Variants in CCNJL observed in about 807,000 individuals in gnomAD.
CCNJL encodes cyclin-J-like protein.
In CCNJL, 33 loss-of-function variants were observed where a neutral mutation model predicts 33.4. The observed-to-expected ratio is 0.99, with a 90% CI of 0.75 to 1.32. CCNJL has a LOEUF of 1.32. CCNJL is among the 40% of genes most tolerant of loss of function. CCNJL has a pLI of 0.00. For synonymous variants in CCNJL, 227 were observed against 220.9 expected (o/e 1.03, Z -0.24); for missense variants, 512 against 499.7 (o/e 1.02, Z -0.23).
chr5:160,280,542 G>A lies in CCNJL; in HGVS notation c.263C>T (p.Ser88Phe). ...TSKQLYTVAV[S>F]CLLLASKFED... ...TCGCTTACTTGCAAGCAGGAGGCAGGAGACGGCCACGGTGTAGAGCTGCTT... is the reference window on the plus strand; with the variant it reads ...TCGCTTACTTGCAAGCAGGAGGCAGAAGACGGCCACGGTGTAGAGCTGCTT... The change falls in exon 3 of 6, where the codon TCC (serine) becomes TTC (phenylalanine). Residue 88 changes from serine to phenylalanine, a missense_variant. Coordinates refer to ENST00000257536, the MANE Select transcript of CCNJL (RefSeq NM_001308173.3). The A allele has an allele frequency of 6.2e-7, 1 of 1,612,834 alleles. No homozygotes were observed.
At chr5:160,257,400 G>C (rs1481769581) in intron 4 of CCNJL, among the ~76,000 whole-genome samples, 3 of 152,096 alleles carry the variant, frequency 2.0e-5, no homozygotes, top group African/African-American at 7.2e-5. Flanking sequence ...GCTTGAACCT[G>C]GGAGGCGGAG....
At position 160,253,803 on chromosome 5, in the gene CCNJL, A is replaced by T; in HGVS notation, c.744-5T>A. 1.3e-6 allele frequency: 2 copies of T among 1,498,394 alleles called. No individual in the cohort carries two copies. Among genetic ancestry groups the T allele is most frequent in the Non-Finnish European group, 1.8e-6 (2 of 1,128,450 alleles). 92.8% of individuals were successfully genotyped at this position (1,498,394 alleles called of 1,614,324 possible). ...TTGAGGACGTTGTCATACACTCTGAAACGAGAAGACCTGGGTGAGAACTGG... is the reference window on the plus strand; with the variant it reads ...TTGAGGACGTTGTCATACACTCTGATACGAGAAGACCTGGGTGAGAACTGG... On this transcript the variant is annotated splice_polypyrimidine_tract_variant and splice_region_variant and intron_variant, in intron 5 of 5. Coordinates refer to ENST00000257536, the MANE Select transcript of CCNJL (RefSeq NM_001308173.3).
intron 1 of CCNJL, among the ~76,000 whole-genome samples, chr5:160,323,429 C>G (rs573929735): frequency 6.6e-6 from 1 of 152,212 alleles, no homozygotes; most frequent in African/African-American, 2.4e-5. Context: ...AATATTCTAT[C>G]GTATAGGCAA....
intron 1 of CCNJL, among the ~76,000 whole-genome samples, chr5:160,321,043 T>C (rs1297590372): frequency 1.8e-5 from 2 of 111,830 alleles, no homozygotes; most frequent in East Asian, 2.2e-4. Context: ...TCTTTCTTTC[T>C]TTCTTTCTTT....
At chr5:160,331,553 T>C (rs780849502) in intron 1 of CCNJL, among the ~76,000 whole-genome samples, 3 of 152,206 alleles carry the variant, frequency 2.0e-5, no homozygotes, top group Non-Finnish European at 4.4e-5. Context: ...TCCTCTCTGC[T>C]GTCTCACCTC....
At chr5:160,326,588 C>A in intron 1 of CCNJL, 1 of 399,622 alleles carries the variant, frequency 2.5e-6, no homozygotes. Context: ...ATTAAATGAT[C>A]AACTCTAATC....
At position 160,311,975 on chromosome 5, in the gene CCNJL, G is replaced by C. The variant is rs769461527; in HGVS notation, c.-49-3C>G. 5.8e-6 allele frequency: 9 copies of C among 1,560,598 alleles called. No homozygotes were observed. Among genetic ancestry groups the C allele is most frequent in the Admixed American group, 1.7e-5 (1 of 59,866 alleles). On this transcript the variant is annotated splice_region_variant and splice_polypyrimidine_tract_variant and intron_variant, in intron 1 of 5. Coordinates refer to ENST00000257536, the MANE Select transcript of CCNJL (RefSeq NM_001308173.3). ...CTACCCGGCTCTCAGGGCGCACCCTGCGTGGACACGGGCAACTTCAGCGGC... is the reference window on the plus strand; with the variant it reads ...CTACCCGGCTCTCAGGGCGCACCCTCCGTGGACACGGGCAACTTCAGCGGC...
At chr5:160,336,660 A>G (rs568731181) in intron 1 of CCNJL, among the ~76,000 whole-genome samples, 1 of 152,324 alleles carries the variant, frequency 6.6e-6, no homozygotes, top group South Asian at 2.1e-4. Flanking sequence ...CTCTGACACA[A>G]TGTTTCTCAA....
At chr5:160,307,300 T>C (rs1763124042) in intron 2 of CCNJL, among the ~76,000 whole-genome samples, 1 of 151,978 alleles carries the variant, frequency 6.6e-6, no homozygotes, top group South Asian at 2.1e-4. Context: ...GTCTAGTGGG[T>C]AGGACAAGTC....
intron 1 of CCNJL, among the ~76,000 whole-genome samples, chr5:160,328,699 G>A (rs995699873): frequency 5.4e-5 from 8 of 148,592 alleles, no homozygotes; most frequent in African/African-American, 7.5e-5. Flanking sequence ...GTGAAACCCC[G>A]TCTCTATTAA....
chr5:160,309,152 T>G (rs528511684), intron 2 of CCNJL, among the ~76,000 whole-genome samples: 1 of 152,342 alleles, frequency 6.6e-6, no homozygotes, highest in South Asian at 2.1e-4. Flanking sequence ...AAGCAGAGAA[T>G]GACACAATCT....
intron 4 of CCNJL, among the ~76,000 whole-genome samples, chr5:160,258,987 TCAG>T (rs1278715042): frequency 6.6e-6 from 1 of 152,180 alleles, no homozygotes; most frequent in Non-Finnish European, 1.5e-5. Context: ...CCCGCCCCTA[TCAG>T]CAGTATTTTT....
chr5:160,336,092 A>G (rs1353317555), intron 1 of CCNJL, among the ~76,000 whole-genome samples: 1 of 152,232 alleles, frequency 6.6e-6, no homozygotes, highest in Non-Finnish European at 1.5e-5. Flanking sequence ...CTTAAAAGCC[A>G]TCTATAGACT....
chr5:160,264,676 C>T (rs1761498610), intron 3 of CCNJL, among the ~76,000 whole-genome samples: 2 of 152,160 alleles, frequency 1.3e-5, no homozygotes, highest in South Asian at 4.1e-4. Context: ...CTCTCCAGAA[C>T]TCTTTTCATC....
chr5:160,282,322 T>C (rs925724795), intron 2 of CCNJL, among the ~76,000 whole-genome samples: 2 of 149,084 alleles, frequency 1.3e-5, no homozygotes, highest in African/African-American at 2.6e-5. Context: ...AAGATAGACA[T>C]AGACATAAAC....
chr5:160,285,107 T>C (rs986308994), intron 2 of CCNJL, among the ~76,000 whole-genome samples: 1 of 152,214 alleles, frequency 6.6e-6, no homozygotes, highest in East Asian at 1.9e-4. Context: ...GGAGAATCAC[T>C]TGAACCTGGT....
Position 160,255,554 on chromosome 5 carries a change from C to G in CCNJL, c.738G>C (p.Leu246=). 1 of 1,614,006 alleles carries G rather than the reference C, an allele frequency of 6.2e-7. No homozygotes were observed. The highest frequency in any genetic ancestry group is 8.5e-7 in the Non-Finnish European group (1 of 1,179,916). The part of the protein sequence containing the change: ...LEHLSTCIEI[L]LVVYDNVLKD... ...GATTCAGGGGAGAAACTTACACCAG[C>G]AGGATTTCAATACACGTGCTGAGGT... The change falls in exon 5 of 6, where the codon CTG becomes CTC. Residue 246 remains leucine (L), a synonymous_variant. Coordinates refer to ENST00000257536, the MANE Select transcript of CCNJL (RefSeq NM_001308173.3).
At chr5:160,331,694 A>T (rs570554149) in intron 1 of CCNJL, among the ~76,000 whole-genome samples, 1 of 152,340 alleles carries the variant, frequency 6.6e-6, no homozygotes, top group East Asian at 1.9e-4. Flanking sequence ...ACCCAGGTTC[A>T]ATACAGCTGC....
At chr5:160,275,944 A>G (rs1301051116) in intron 3 of CCNJL, among the ~76,000 whole-genome samples, 5 of 152,222 alleles carry the variant, frequency 3.3e-5, no homozygotes, top group Admixed American at 3.3e-4. Context: ...CATATACCCA[A>G]AAGAATTAGA....
Sources: allele counts gnomAD v4.1 joint callset (sites outside exome capture counted in the v4.1 genomes callset), GRCh38; gene constraint gnomAD v4.1.1; transcripts MANE v1.5; gene names NCBI Gene and HGNC (gene_info 2026-07-23, HGNC 2026-07-21).